CDK6: variants seen among roughly 807,000 people sequenced by gnomAD.
CDK6 encodes the protein cyclin dependent kinase 6.
CDK6 carries 6 observed loss-of-function variants against 37.1 expected under a neutral mutation model. The ratio of observed to expected loss-of-function variants is 0.16; its 90% CI spans 0.09 to 0.32. CDK6 has a LOEUF of 0.32. CDK6 is among the 10% of genes least tolerant of loss of function. The pLI is 1.00. For synonymous variants in CDK6, 160 were observed against 161.3 expected (o/e 0.99, Z 0.06); for missense variants, 224 against 418.9 (o/e 0.53, Z 4.06).
intron 2 of CDK6, among the ~76,000 whole-genome samples, chr7:92,808,026 C>T (rs549566554): frequency 8.1e-4 from 124 of 152,270 alleles, no homozygotes; most frequent in African/African-American, 2.8e-3. Flanking sequence ...ACTAAGCTTT[C>T]TTATTAACTG....
rs1488439721 is a variant in CDK6, at chr7:92,610,920, A to G, written c.*4220T>C. The G allele has an allele frequency of 3.1e-5, 7 of 228,362 alleles. No individual in the cohort carries two copies. Among genetic ancestry groups the G allele is most frequent in the Non-Finnish European group, 6.1e-5 (7 of 115,138 alleles). The allele number at this position is 228,362 out of a possible 1,614,324, so 14.1% of individuals were successfully genotyped here. A position where few individuals can be genotyped will look rare whatever the true frequency, so the allele number is the denominator to read the frequency against. ...AGGCATGTGTAAGAAGTATTGCTTCATGTGGTTGCCTCTTCCCTTGAAATG... is the reference window on the plus strand; with the variant it reads ...AGGCATGTGTAAGAAGTATTGCTTCGTGTGGTTGCCTCTTCCCTTGAAATG... On this transcript the variant is annotated 3_prime_UTR_variant, in exon 8 of 8. Coordinates refer to ENST00000424848, the MANE Select transcript of CDK6 (RefSeq NM_001145306.2).
intron 4 of CDK6, among the ~76,000 whole-genome samples, chr7:92,717,632 G>A (rs1260897021): frequency 2.0e-5 from 3 of 152,182 alleles, no homozygotes; most frequent in Non-Finnish European, 4.4e-5. Context: ...CTCTTTCTCC[G>A]AGTAAAACAT....
At chr7:92,806,068 T>C (rs1800716638) in intron 2 of CDK6, among the ~76,000 whole-genome samples, 1 of 152,232 alleles carries the variant, frequency 6.6e-6, no homozygotes, top group Admixed American at 6.5e-5. Context: ...TGATTAAAAC[T>C]GTAAATTGTA....
intron 2 of CDK6, among the ~76,000 whole-genome samples, chr7:92,820,683 A>G: frequency 6.6e-6 from 1 of 152,162 alleles, no homozygotes; most frequent in East Asian, 1.9e-4. Context: ...TCTCACAGAA[A>G]GCGAAGGAAA....
intron 2 of CDK6, among the ~76,000 whole-genome samples, chr7:92,776,848 A>G (rs931846604): frequency 6.6e-6 from 1 of 152,114 alleles, no homozygotes; most frequent in Non-Finnish European, 1.5e-5. Flanking sequence ...ATTTTCTCCC[A>G]TTCTGTAGGT....
intron 3 of CDK6, among the ~76,000 whole-genome samples, chr7:92,766,201 G>C (rs916943310): frequency 6.6e-6 from 1 of 152,140 alleles, no homozygotes; most frequent in Non-Finnish European, 1.5e-5. Flanking sequence ...ACAGAGGATG[G>C]TCCATAAAGG....
intron 5 of CDK6, among the ~76,000 whole-genome samples, chr7:92,636,533 C>T (rs1001997095): frequency 6.6e-6 from 1 of 151,840 alleles, no homozygotes; most frequent in Non-Finnish European, 1.5e-5. Flanking sequence ...GATTTTATAA[C>T]TATAAGAGAA....
At chr7:92,780,308 C>T (rs1049510913) in intron 2 of CDK6, among the ~76,000 whole-genome samples, 1 of 152,140 alleles carries the variant, frequency 6.6e-6, no homozygotes, top group Non-Finnish European at 1.5e-5. Context: ...TCATATACAA[C>T]AACTGAGCTA....
chr7:92,619,214 T>C (rs889088219), intron 6 of CDK6, among the ~76,000 whole-genome samples: 1 of 152,208 alleles, frequency 6.6e-6, no homozygotes, highest in African/African-American at 2.4e-5. Context: ...AGGAAATACA[T>C]CACTACCACA....
intron 5 of CDK6, among the ~76,000 whole-genome samples, chr7:92,642,878 C>A (rs1017754400): frequency 6.6e-6 from 1 of 151,576 alleles, no homozygotes; most frequent in Admixed American, 6.6e-5. Context: ...GGACTTGAGA[C>A]TCAGGCTGAA....
At chr7:92,674,341 C>T (rs982252970) in intron 4 of CDK6, among the ~76,000 whole-genome samples, 1 of 152,142 alleles carries the variant, frequency 6.6e-6, no homozygotes, top group African/African-American at 2.4e-5. Context: ...TAACATAGCT[C>T]ATAATATGGT....
At chr7:92,749,446 G>A (rs1163737719) in intron 3 of CDK6, among the ~76,000 whole-genome samples, 2 of 152,058 alleles carry the variant, frequency 1.3e-5, no homozygotes, top group Admixed American at 6.6e-5. Flanking sequence ...CCTGAGTAAT[G>A]GAAATGTCTC....
chr7:92,817,170 A>C (rs1240768165), intron 2 of CDK6, among the ~76,000 whole-genome samples: 1 of 151,992 alleles, frequency 6.6e-6, no homozygotes, highest in African/African-American at 2.4e-5. Flanking sequence ...GAAGAGGAAG[A>C]AACACTTCTC....
chr7:92,611,268 T>C lies in CDK6; in HGVS notation c.*3872A>G, dbSNP rs1297029099. 4.5e-6 allele frequency: 1 copy of C among 224,498 alleles called. No individual in the cohort carries two copies. The highest frequency in any genetic ancestry group is 8.9e-6 in the Non-Finnish European group (1 of 112,848). 13.9% of individuals were successfully genotyped at this position (224,498 alleles called of 1,614,324 possible). On this transcript the variant is annotated 3_prime_UTR_variant, in exon 8 of 8. Transcript: ENST00000424848. Reference sequence around the variant, plus strand: ...AAATATCTAAGAGTTTATAATAACATTCCAATATTTTCTTTCCAGGGTAAA... The same window carrying C: ...AAATATCTAAGAGTTTATAATAACACTCCAATATTTTCTTTCCAGGGTAAA...
rs1288971029 is a variant in CDK6, at chr7:92,626,367, G to A, written c.648-3281C>T. Among the ~76,000 whole-genome samples, 3 of 151,920 alleles carry A rather than the reference G, an allele frequency of 2.0e-5. No individual in the cohort carries two copies. In the East Asian group the frequency reaches 5.8e-4, roughly 29 times the overall value. On this transcript the variant is annotated intron_variant, in intron 5 of 7. Coordinates refer to ENST00000424848, the MANE Select transcript of CDK6 (RefSeq NM_001145306.2). ...CAAGATATACAAATGCAGAATCACC[G>A]AATAGAAGTTTACCTCATTTTACCA...
At chr7:92,700,349 T>C (rs957531995) in intron 4 of CDK6, among the ~76,000 whole-genome samples, 19 of 152,186 alleles carry the variant, frequency 1.2e-4, no homozygotes, top group Non-Finnish European at 2.9e-5. Flanking sequence ...GGCAGGGATC[T>C]CAATGAAAAG....
chr7:92,797,082 G>A (rs1486037518), intron 2 of CDK6, among the ~76,000 whole-genome samples: 2 of 152,166 alleles, frequency 1.3e-5, no homozygotes, highest in Non-Finnish European at 2.9e-5. Flanking sequence ...AAGTATGTAT[G>A]TTATCTATAG....
intron 5 of CDK6, among the ~76,000 whole-genome samples, chr7:92,657,512 A>G (rs1796723279): frequency 6.6e-6 from 1 of 152,208 alleles, no homozygotes; most frequent in African/African-American, 2.4e-5. Context: ...CTGCCTGTGC[A>G]CTGGAAAAAA....
intron 4 of CDK6, among the ~76,000 whole-genome samples, chr7:92,723,137 C>A (rs1798406258): frequency 6.6e-6 from 1 of 152,174 alleles, no homozygotes; most frequent in Admixed American, 6.5e-5. Context: ...GATAGGGCCA[C>A]TGCCCTCCAG....
Sources: gnomAD v4.1 joint callset for allele counts (sites outside exome capture counted in the v4.1 genomes callset) on GRCh38, gnomAD v4.1.1 for gene constraint, MANE v1.5 for transcripts, NCBI Gene and HGNC (gene_info 2026-07-23, HGNC 2026-07-21) for gene names.